The following TBC1D15 variants were observed in gnomAD, a reference collection of about 807,000 sequenced individuals.
TBC1D15 encodes GAP for RAB7.
Under a neutral mutation model 95.4 loss-of-function variants are expected in TBC1D15, and 39 were observed. The observed-to-expected ratio is 0.41, with a 90% CI of 0.32 to 0.53. The LOEUF is 0.53. Ranked by LOEUF, TBC1D15 falls within the 20% of genes least tolerant of loss-of-function variation. TBC1D15 has a pLI of 0.29. For synonymous variants in TBC1D15, 258 were observed against 261.3 expected, an observed-to-expected ratio of 0.99 and a Z score of 0.12; for missense variants, 733 against 794.3, an observed-to-expected ratio of 0.92 and a Z score of 0.93.
intron 10 of TBC1D15, among the ~76,000 whole-genome samples, chr12:71,904,037 T>G (rs1227204179): frequency 6.6e-6 from 1 of 152,070 alleles, no homozygotes; most frequent in African/African-American, 2.4e-5. Flanking sequence ...ATAGATTAAA[T>G]TGCCAAGGGA....
chr12:71,855,529 G>C (rs1258740158), intron 1 of TBC1D15, among the ~76,000 whole-genome samples: 1 of 151,858 alleles, frequency 6.6e-6, no homozygotes, highest in East Asian at 1.9e-4. Flanking sequence ...TTAGCCAGGC[G>C]TGGTGGTGTG....
intron 9 of TBC1D15, 62 bp from the exon 10 acceptor site, chr12:71,897,783 ATT>A: frequency 8.1e-7 from 1 of 1,239,386 alleles, no homozygotes; most frequent in Non-Finnish European, 1.2e-6. Flanking sequence ...GAAAAACCCA[ATT>A]AAACAGTGTT....
In TBC1D15 at chr12:71,880,593, C is replaced by A; in HGVS notation, c.329C>A (p.Pro110Gln). The change falls in exon 4 of 17, where the codon CCA becomes CAA. Residue 110 changes from proline (P) to glutamine (Q), a missense_variant. Coordinates refer to ENST00000485960, the MANE Select transcript of TBC1D15 (RefSeq NM_001146213.3). ...AATACAGTTTCATTTAAAAGGAAAC[C>A]ACATACCAATGGAGGTATGAATTAA... is the stretch of plus-strand genomic sequence containing the variant. ...MVNTVSFKRK[P>Q]HTNGDAPSHR... The A allele has an allele frequency of 5.0e-6, 8 of 1,608,746 alleles. No homozygotes were observed. The highest frequency in any genetic ancestry group is 6.8e-6 in the Non-Finnish European group (8 of 1,177,706).
intron 11 of TBC1D15, 58 bp from the exon 12 acceptor site, chr12:71,913,768 T>C (rs1221859705): frequency 1.7e-6 from 2 of 1,207,702 alleles, no homozygotes; most frequent in East Asian, 5.3e-5. Context: ...TATGCACAAC[T>C]TGCAGAAGGT....
chr12:71,894,795 C>G lies in TBC1D15; in HGVS notation c.767C>G (p.Pro256Arg). The G allele has an allele frequency of 6.2e-7, 1 of 1,613,334 alleles. No homozygotes were observed. Among genetic ancestry groups the G allele is most frequent in the South Asian group, 1.1e-5 (1 of 91,052 alleles). ...GATCCCTCTACACATCAACGACCAC[C>G]TTCAGAAATGGCAGATTTTCTTAGT... Reference protein sequence around the residue: ...GSDPSTHQRPPSEMADFLSDA... With the variant: ...GSDPSTHQRPRSEMADFLSDA... Residue 256 changes from proline (P) to arginine (R), a missense_variant, in exon 7 of 17, where the codon CCT becomes CGT. Coordinates refer to ENST00000485960, the MANE Select transcript of TBC1D15 (RefSeq NM_001146213.3).
chr12:71,905,111 C>T (rs1900366899), intron 10 of TBC1D15, among the ~76,000 whole-genome samples: 1 of 151,962 alleles, frequency 6.6e-6, no homozygotes, highest in South Asian at 2.1e-4. Flanking sequence ...CTTTTTATCC[C>T]TTTTCTGTTT....
chr12:71,852,587 C>G (rs949523650), intron 1 of TBC1D15, among the ~76,000 whole-genome samples: 4 of 152,158 alleles, frequency 2.6e-5, no homozygotes, highest in African/African-American at 9.7e-5. Flanking sequence ...TGCATATGAG[C>G]ATAGGTTGTT....
At chr12:71,895,020 C>A (rs1484586531) in intron 7 of TBC1D15, 137 bp downstream of exon 7, 1 of 703,404 alleles carries the variant, frequency 1.4e-6, no homozygotes, top group Non-Finnish European at 2.3e-6. Context: ...GTATATCTGA[C>A]AATGAGTGCT....
At chr12:71,906,136 G>C (rs1225524612) in intron 10 of TBC1D15, among the ~76,000 whole-genome samples, 3 of 152,164 alleles carry the variant, frequency 2.0e-5, no homozygotes, top group Non-Finnish European at 4.4e-5. Flanking sequence ...GCATCCCAAA[G>C]TGCTGGGATT....
At chr12:71,878,937 GTCTGTT>G (rs1894558476) in intron 3 of TBC1D15, among the ~76,000 whole-genome samples, 1 of 151,714 alleles carries the variant, frequency 6.6e-6, no homozygotes, top group East Asian at 1.9e-4. Flanking sequence ...CTGTTTTTCA[GTCTGTT>G]TCTATTTCTT....
chr12:71,868,277 G>T lies in TBC1D15; in HGVS notation c.31-3793G>T, dbSNP rs188208649. On this transcript the variant is annotated intron_variant, in intron 1 of 16. Transcript: ENST00000485960. ...TTTTTTTTTCTCGAGACGGAGTCTC[G>T]CTCTGTCTCCCAGGCTTGAGTGCGG... Among the ~76,000 whole-genome samples the T allele has an allele frequency of 2.2e-5, 3 of 138,930 alleles. 1 individual carries two copies. Among genetic ancestry groups the T allele is most frequent in the Middle Eastern group, 8.5e-3 (2 of 236 alleles). 91.1% of individuals were successfully genotyped at this position (138,930 alleles called of 152,430 possible).
chr12:71,889,345 G>A (rs1896825417), intron 5 of TBC1D15, among the ~76,000 whole-genome samples: 1 of 152,050 alleles, frequency 6.6e-6, no homozygotes, highest in African/African-American at 2.4e-5. Context: ...GGCAATTTAC[G>A]TTTTGACCCA....
intron 1 of TBC1D15, among the ~76,000 whole-genome samples, chr12:71,863,447 C>T (rs564377992): frequency 5.5e-4 from 83 of 152,254 alleles, no homozygotes; most frequent in South Asian, 2.1e-3. Flanking sequence ...TGTGACTTGA[C>T]GTTTTTTTCC....
intron 1 of TBC1D15, among the ~76,000 whole-genome samples, chr12:71,856,941 G>A (rs1022281459): frequency 6.6e-6 from 1 of 152,116 alleles, no homozygotes; most frequent in African/African-American, 2.4e-5. Context: ...AGTTTTTTCA[G>A]TTACAAGATG....
rs147662513 is a variant in TBC1D15, at chr12:71,846,355, T to C, written c.30+6544T>C. Among the ~76,000 whole-genome samples, 312 of 152,338 alleles carry C rather than the reference T, an allele frequency of 2.0e-3. 2 individuals are homozygous for C. The highest frequency in any genetic ancestry group is 7.3e-3 in the African/African-American group (304 of 41,590). On this transcript the variant is annotated intron_variant, in intron 1 of 16. Transcript: ENST00000485960. ...TTTTATCCCAAAAGGAAAACTTTCCTCCTTTTTTTTGTAGTATTTTTACAC... is the reference window on the plus strand; with the variant it reads ...TTTTATCCCAAAAGGAAAACTTTCCCCCTTTTTTTTGTAGTATTTTTACAC...
chr12:71,906,631 CT>C (rs79739174), intron 10 of TBC1D15, among the ~76,000 whole-genome samples: 37,819 of 141,914 alleles, frequency 0.27, 5,876 homozygotes, highest in African/African-American at 0.46. Context: ...TAGGTGGTAG[CT>C]TTTTTTTTTT....
intron 2 of TBC1D15, 141 bp from the exon 3 acceptor site, chr12:71,872,788 T>C: frequency 1.9e-6 from 1 of 539,066 alleles, no homozygotes; most frequent in Non-Finnish European, 3.2e-6. Context: ...CTATGTAACA[T>C]TTTTGATTTA....
At chr12:71,865,145 T>C (rs780922326) in intron 1 of TBC1D15, among the ~76,000 whole-genome samples, 2 of 152,162 alleles carry the variant, frequency 1.3e-5, no homozygotes, top group Non-Finnish European at 2.9e-5. Context: ...TGGGTTTCCA[T>C]GTCCAGGCTC....
intron 1 of TBC1D15, among the ~76,000 whole-genome samples, chr12:71,863,247 G>A (rs954390037): frequency 5.3e-5 from 8 of 151,914 alleles, no homozygotes; most frequent in African/African-American, 1.2e-4. Flanking sequence ...GTGTGGTGGC[G>A]GGCACCTGTA....
Sources: gnomAD v4.1 joint callset for allele counts (sites outside exome capture counted in the v4.1 genomes callset) on GRCh38, gnomAD v4.1.1 for gene constraint, MANE v1.5 for transcripts, NCBI Gene and HGNC (gene_info 2026-07-23, HGNC 2026-07-21) for gene names.